FBXL17: variants seen among roughly 807,000 people sequenced by gnomAD.
FBXL17 encodes F-box/LRR-repeat protein 17.
FBXL17 carries 22 observed loss-of-function variants against 66.2 expected under a neutral mutation model. The observed-to-expected ratio is 0.33, with a 90% CI of 0.24 to 0.47. The LOEUF (loss-of-function observed/expected upper bound fraction) is 0.47. Ranked by LOEUF, FBXL17 falls within the 20% of genes least tolerant of loss-of-function variation. FBXL17 has a pLI of 1.00. For missense variants in FBXL17, 878 were observed against 948.2 expected, an observed-to-expected ratio of 0.93 and a Z score of 0.97; for synonymous variants, 474 against 400.5, an observed-to-expected ratio of 1.18 and a Z score of -2.19.
chr5:108,120,855 C>G (rs1005662632), intron 6 of FBXL17, among the ~76,000 whole-genome samples: 1 of 152,020 alleles, frequency 6.6e-6, no homozygotes, highest in African/African-American at 2.4e-5. Flanking sequence ...TAGAATAGTG[C>G]CTGGAAGCAC....
At chr5:108,151,955 A>T (rs886789905) in intron 6 of FBXL17, among the ~76,000 whole-genome samples, 8 of 152,248 alleles carry the variant, frequency 5.3e-5, no homozygotes, top group Admixed American at 3.3e-4. Context: ...CAGAAATCAC[A>T]GCAAGTAAGA....
intron 4 of FBXL17, among the ~76,000 whole-genome samples, chr5:108,309,423 C>T (rs1759008355): frequency 6.6e-6 from 1 of 151,698 alleles, no homozygotes; most frequent in Non-Finnish European, 1.5e-5. Context: ...CAAGCATTAC[C>T]TTTATTTTAA....
intron 4 of FBXL17, among the ~76,000 whole-genome samples, chr5:108,300,314 C>T (rs1416664088): frequency 6.6e-6 from 1 of 151,852 alleles, no homozygotes; most frequent in Admixed American, 6.6e-5. Context: ...ATTCTTTCTA[C>T]AGAGAGACAC....
At chr5:108,235,073 T>C (rs1007054300) in intron 4 of FBXL17, among the ~76,000 whole-genome samples, 8 of 152,194 alleles carry the variant, frequency 5.3e-5, no homozygotes, top group African/African-American at 1.9e-4. Context: ...GAATAATTGC[T>C]AGCATATCTG....
intron 7 of FBXL17, among the ~76,000 whole-genome samples, chr5:107,956,905 T>C (rs1049467725): frequency 1.3e-5 from 2 of 152,124 alleles, no homozygotes; most frequent in Admixed American, 1.3e-4. Flanking sequence ...AAAAAGAACT[T>C]GCTTCAAAAT....
intron 3 of FBXL17, among the ~76,000 whole-genome samples, chr5:108,352,490 A>T (rs1247873426): frequency 6.6e-6 from 1 of 152,166 alleles, no homozygotes; most frequent in Non-Finnish European, 1.5e-5. Context: ...AAACCATAGA[A>T]ATAGAATACA....
intron 4 of FBXL17, chr5:108,302,203 T>C (rs1187466197): frequency 1.2e-5 from 2 of 164,846 alleles, no homozygotes; most frequent in African/African-American, 4.8e-5. Context: ...AAGACAAAGA[T>C]AGTGTAATGA....
At chr5:108,147,064 A>C (rs1417334130) in intron 6 of FBXL17, among the ~76,000 whole-genome samples, 9 of 152,146 alleles carry the variant, frequency 5.9e-5, no homozygotes, top group Admixed American at 5.9e-4. Context: ...CATTCACTTC[A>C]ACTTCTTTTA....
chr5:108,094,473 A>C (rs1188002414), intron 6 of FBXL17, among the ~76,000 whole-genome samples: 1 of 152,122 alleles, frequency 6.6e-6, no homozygotes, highest in African/African-American at 2.4e-5. Flanking sequence ...AAATCCAGAA[A>C]ACTTTTCCAT....
At chr5:108,278,679 T>C (rs1757580133) in intron 4 of FBXL17, among the ~76,000 whole-genome samples, 1 of 152,220 alleles carries the variant, frequency 6.6e-6, no homozygotes, top group African/African-American at 2.4e-5. Context: ...CCACCAGAAC[T>C]GGGGTATAAG....
At chr5:108,204,724 C>T (rs540341672) in intron 5 of FBXL17, among the ~76,000 whole-genome samples, 18 of 152,130 alleles carry the variant, frequency 1.2e-4, no homozygotes, top group South Asian at 4.2e-4. Flanking sequence ...CATGTCATTA[C>T]GTATTCTTGA....
At chr5:107,934,715 ATTGCTAT>A in intron 7 of FBXL17, among the ~76,000 whole-genome samples, 1 of 152,058 alleles carries the variant, frequency 6.6e-6, no homozygotes, top group Non-Finnish European at 1.5e-5. Context: ...AATCCCAGCG[ATTGCTAT>A]GACTGTATTT....
chr5:107,902,035 A>G (rs1324002933), intron 7 of FBXL17, among the ~76,000 whole-genome samples: 1 of 152,230 alleles, frequency 6.6e-6, no homozygotes, highest in East Asian at 1.9e-4. Context: ...GCTAGCAACC[A>G]AAACAAGACA....
At chr5:108,196,879 C>G (rs1201077505) in intron 5 of FBXL17, among the ~76,000 whole-genome samples, 1 of 152,056 alleles carries the variant, frequency 6.6e-6, no homozygotes. Context: ...TCTTAAAATT[C>G]AAAACTTTTT....
chr5:108,065,577 A>C (rs1185953229), intron 6 of FBXL17, among the ~76,000 whole-genome samples: 1 of 152,206 alleles, frequency 6.6e-6, no homozygotes, highest in African/African-American at 2.4e-5. Context: ...TTCTGCTTCT[A>C]GTTGCCTTCT....
At chr5:108,321,769 T>C (rs182115878) in intron 4 of FBXL17, among the ~76,000 whole-genome samples, 19 of 150,800 alleles carry the variant, frequency 1.3e-4, no homozygotes, top group African/African-American at 4.6e-4. Context: ...AGGCAAAGCC[T>C]AAAACTAAAT....
At chr5:107,990,366 T>C (rs1434149316) in intron 7 of FBXL17, among the ~76,000 whole-genome samples, 1 of 152,216 alleles carries the variant, frequency 6.6e-6, no homozygotes, top group African/African-American at 2.4e-5. Context: ...ATTAGAGTTC[T>C]GCATTAGCTT....
intron 3 of FBXL17, among the ~76,000 whole-genome samples, chr5:108,352,019 G>A (rs1296942326): frequency 6.6e-6 from 1 of 152,224 alleles, no homozygotes; most frequent in Non-Finnish European, 1.5e-5. Flanking sequence ...TTTTCATACA[G>A]GCCACGTGGA....
intron 7 of FBXL17, among the ~76,000 whole-genome samples, chr5:107,954,657 C>A (rs1483492688): frequency 6.6e-6 from 1 of 152,086 alleles, no homozygotes; most frequent in Non-Finnish European, 1.5e-5. Flanking sequence ...ATGGCATATT[C>A]ATGAGTCTAC....
Sources: allele counts gnomAD v4.1 joint callset (sites outside exome capture counted in the v4.1 genomes callset), GRCh38; gene constraint gnomAD v4.1.1; transcripts MANE v1.5; gene names NCBI Gene and HGNC (gene_info 2026-07-23, HGNC 2026-07-21).